The following NRXN1 variants were observed in gnomAD, a reference collection of about 807,000 sequenced individuals.
NRXN1 encodes the protein neurexin-1.
In NRXN1, 39 loss-of-function variants were observed where a neutral mutation model predicts 150.9. The ratio of observed to expected loss-of-function variants is 0.26; its 90% CI spans 0.20 to 0.34. The LOEUF (loss-of-function observed/expected upper bound fraction) is 0.34, where lower values mean the gene tolerates loss of function less well. Ranked by LOEUF, NRXN1 falls within the 10% of genes least tolerant of loss-of-function variation. The pLI, the probability that NRXN1 is intolerant of heterozygous loss-of-function variation, is 1.00. For missense variants in NRXN1, 1,815 were observed against 1,949.9 expected, an observed-to-expected ratio of 0.93 and a Z score of 1.30; for synonymous variants, 924 against 757.0, an observed-to-expected ratio of 1.22 and a Z score of -3.62.
At chr2:50,974,129 C>A (rs193268720) in intron 2 of NRXN1, among the ~76,000 whole-genome samples, 29 of 152,158 alleles carry the variant, frequency 1.9e-4, no homozygotes, top group African/African-American at 6.5e-4. Flanking sequence ...AGCTCCCTAA[C>A]TAAAATTAAC....
At chr2:50,677,788 A>C (rs1191895884) in intron 5 of NRXN1, among the ~76,000 whole-genome samples, 1 of 152,118 alleles carries the variant, frequency 6.6e-6, no homozygotes, top group Admixed American at 6.6e-5. Flanking sequence ...TATTTGGAAA[A>C]GCAGGTTTCC....
intron 8 of NRXN1, among the ~76,000 whole-genome samples, chr2:50,558,985 G>A (rs774077034): frequency 6.6e-6 from 1 of 152,158 alleles, no homozygotes; most frequent in Non-Finnish European, 1.5e-5. Flanking sequence ...GGGAGGCTGA[G>A]GCAGGAGAAG....
At chr2:50,212,815 G>A (rs929357701) in intron 18 of NRXN1, among the ~76,000 whole-genome samples, 1 of 151,892 alleles carries the variant, frequency 6.6e-6, no homozygotes, top group African/African-American at 2.4e-5. Flanking sequence ...AAACTTCAAG[G>A]TTAAATGCAA....
chr2:50,729,868 G>C (rs1365660652), intron 5 of NRXN1, among the ~76,000 whole-genome samples: 1 of 152,152 alleles, frequency 6.6e-6, no homozygotes, highest in African/African-American at 2.4e-5. Flanking sequence ...GTTGTTCTCT[G>C]AGGCTGTGGA....
intron 5 of NRXN1, among the ~76,000 whole-genome samples, chr2:50,892,265 T>A (rs1413441644): frequency 1.3e-5 from 2 of 152,134 alleles, no homozygotes; most frequent in African/African-American, 4.8e-5. Flanking sequence ...GTCTGCTTCA[T>A]TAAATGAAGT....
At chr2:50,535,100 G>C (rs1573443187) in intron 10 of NRXN1, among the ~76,000 whole-genome samples, 1 of 152,176 alleles carries the variant, frequency 6.6e-6, no homozygotes, top group African/African-American at 2.4e-5. Flanking sequence ...TAGAGTTAAT[G>C]TTTAATTAGA....
intron 19 of NRXN1, among the ~76,000 whole-genome samples, chr2:50,078,580 C>T (rs1031041644): frequency 5.9e-5 from 9 of 152,116 alleles, no homozygotes; most frequent in South Asian, 2.1e-4. Flanking sequence ...CCAGCTCCCA[C>T]ATTGCATTAA....
intron 17 of NRXN1, among the ~76,000 whole-genome samples, chr2:50,369,784 C>T (rs563693415): frequency 2.0e-5 from 3 of 152,126 alleles, no homozygotes; most frequent in Admixed American, 2.0e-4. Flanking sequence ...CTACCCATTT[C>T]TGTGAACTCT....
intron 18 of NRXN1, among the ~76,000 whole-genome samples, chr2:50,105,057 G>T (rs2152715737): frequency 6.6e-6 from 1 of 151,984 alleles, no homozygotes; most frequent in South Asian, 2.1e-4. Context: ...TTCAATCCAG[G>T]TCTATCTGGT....
chr2:50,062,366 T>C (rs937813374), intron 19 of NRXN1, among the ~76,000 whole-genome samples: 7 of 152,062 alleles, frequency 4.6e-5, no homozygotes, highest in African/African-American at 1.7e-4. Context: ...GAAAAGATGG[T>C]CACCTGTGAA....
At chr2:50,805,307 T>C (rs1559288040) in intron 5 of NRXN1, among the ~76,000 whole-genome samples, 1 of 152,154 alleles carries the variant, frequency 6.6e-6, no homozygotes, top group Non-Finnish European at 1.5e-5. Flanking sequence ...GTTACTTCTA[T>C]GAAGAAACAG....
chr2:50,823,463 A>T, intron 5 of NRXN1, among the ~76,000 whole-genome samples: 1 of 152,182 alleles, frequency 6.6e-6, no homozygotes, highest in East Asian at 1.9e-4. Flanking sequence ...TAGATACTCC[A>T]TAAATTCTGG....
chr2:49,964,396 T>C (rs974563753), intron 21 of NRXN1, among the ~76,000 whole-genome samples: 6 of 146,598 alleles, frequency 4.1e-5, no homozygotes, highest in African/African-American at 1.3e-4. Flanking sequence ...ACTGGCAACA[T>C]GGTGAAACCC....
At chr2:50,509,399 T>C (rs2092365683) in intron 12 of NRXN1, among the ~76,000 whole-genome samples, 1 of 152,112 alleles carries the variant, frequency 6.6e-6, no homozygotes, top group African/African-American at 2.4e-5. Flanking sequence ...AGTAATACAA[T>C]GTCTATCTAG....
At chr2:50,576,854 C>T (rs1426860425) in intron 8 of NRXN1, among the ~76,000 whole-genome samples, 1 of 152,040 alleles carries the variant, frequency 6.6e-6, no homozygotes, top group Admixed American at 6.6e-5. Flanking sequence ...TCCCTCTTTA[C>T]CTATTCTCTT....
intron 18 of NRXN1, among the ~76,000 whole-genome samples, chr2:50,101,781 G>A (rs1308676709): frequency 6.6e-6 from 1 of 151,922 alleles, no homozygotes; most frequent in South Asian, 2.1e-4. Context: ...AATTCTATTT[G>A]TGAATCATGA....
chr2:50,078,526 T>C (rs532450364), intron 19 of NRXN1, among the ~76,000 whole-genome samples: 1 of 152,166 alleles, frequency 6.6e-6, no homozygotes, highest in South Asian at 2.1e-4. Flanking sequence ...TATTTTGTTT[T>C]ACCAGTTTTC....
chr2:50,412,714 G>T (rs2083278059), intron 17 of NRXN1, among the ~76,000 whole-genome samples: 1 of 152,120 alleles, frequency 6.6e-6, no homozygotes, highest in Admixed American at 6.5e-5. Context: ...AACATAGTCT[G>T]ATTTTTGTAA....
chr2:50,462,195 C>G (rs1259084950), intron 17 of NRXN1, among the ~76,000 whole-genome samples: 1 of 151,600 alleles, frequency 6.6e-6, no homozygotes, highest in Non-Finnish European at 1.5e-5. Context: ...GGCTTATAAA[C>G]CAAGAAAACA....
Sources: gnomAD v4.1 joint callset for allele counts (sites outside exome capture counted in the v4.1 genomes callset) on GRCh38, gnomAD v4.1.1 for gene constraint, MANE v1.5 for transcripts, NCBI Gene and HGNC (gene_info 2026-07-23, HGNC 2026-07-21) for gene names.